Variants in SOX6 observed in about 807,000 individuals in gnomAD.
The protein encoded by SOX6 is transcription factor SOX-6.
Under a neutral mutation model 97.8 loss-of-function variants are expected in SOX6, and 11 were observed. The observed-to-expected ratio is 0.11, with a 90% CI of 0.07 to 0.19. The LOEUF (loss-of-function observed/expected upper bound fraction) is 0.19, where lower values mean the gene tolerates loss of function less well. Ranked by LOEUF, SOX6 falls within the 10% of genes least tolerant of loss-of-function variation. The pLI is 1.00. For synonymous variants in SOX6, 360 were observed against 371.4 expected (o/e 0.97, Z 0.35); for missense variants, 810 against 1,039.5 (o/e 0.78, Z 3.04).
chr11:16,685,480 T>G (rs546156622), intron 3 of SOX6, among the ~76,000 whole-genome samples: 2 of 152,212 alleles, frequency 1.3e-5, no homozygotes, highest in Non-Finnish European at 2.9e-5. Flanking sequence ...CATGAAAGTT[T>G]GAAAAAACCA....
chr11:16,049,101 A>G (rs1847616378), intron 11 of SOX6, among the ~76,000 whole-genome samples: 1 of 152,146 alleles, frequency 6.6e-6, no homozygotes, highest in South Asian at 2.1e-4. Flanking sequence ...CTGAACTTGA[A>G]AATATTAAAT....
At chr11:16,492,331 G>C (rs145195597) in intron 4 of SOX6, among the ~76,000 whole-genome samples, 2 of 152,180 alleles carry the variant, frequency 1.3e-5, no homozygotes, top group African/African-American at 4.8e-5. Flanking sequence ...CCATGCAAGC[G>C]CAGACTGGCC....
intron 1 of SOX6, among the ~76,000 whole-genome samples, chr11:16,389,618 C>T (rs1457959536): frequency 6.6e-6 from 1 of 151,808 alleles, no homozygotes; most frequent in Non-Finnish European, 1.5e-5. Flanking sequence ...GACATTGTGA[C>T]CACTATGCTG....
At chr11:16,489,365 A>T (rs994173877) in intron 4 of SOX6, among the ~76,000 whole-genome samples, 3 of 152,154 alleles carry the variant, frequency 2.0e-5, no homozygotes, top group Admixed American at 2.0e-4. Flanking sequence ...TATATCCTAC[A>T]TCCAAAAATA....
chr11:16,506,469 C>T (rs1294185150), intron 4 of SOX6, among the ~76,000 whole-genome samples: 1 of 152,140 alleles, frequency 6.6e-6, no homozygotes, highest in Non-Finnish European at 1.5e-5. Context: ...GTGGAAGGGA[C>T]TTGCCTTGTC....
At chr11:15,991,324 T>C (rs192624986) in intron 13 of SOX6, among the ~76,000 whole-genome samples, 12 of 152,328 alleles carry the variant, frequency 7.9e-5, no homozygotes, top group Admixed American at 7.8e-4. Context: ...TGAAATGTAG[T>C]GTAGCTTCCA....
intron 13 of SOX6, among the ~76,000 whole-genome samples, chr11:15,990,783 G>A (rs1854025991): frequency 6.6e-6 from 1 of 152,146 alleles, no homozygotes; most frequent in Non-Finnish European, 1.5e-5. Context: ...AAGTTTAGAA[G>A]CAAAATATAC....
chr11:16,717,599 T>C (rs1243833382), intron 2 of SOX6, among the ~76,000 whole-genome samples: 1 of 152,122 alleles, frequency 6.6e-6, no homozygotes, highest in Non-Finnish European at 1.5e-5. Flanking sequence ...TTTTGAAACT[T>C]ACTCTTCATG....
intron 6 of SOX6, among the ~76,000 whole-genome samples, chr11:16,173,194 A>G (rs1277184740): frequency 2.0e-5 from 3 of 151,898 alleles, no homozygotes; most frequent in African/African-American, 7.2e-5. Context: ...TGGCATCCAC[A>G]CAACTGCTTT....
chr11:16,456,238 T>A (rs1427179040), intron 1 of SOX6, among the ~76,000 whole-genome samples: 1 of 152,056 alleles, frequency 6.6e-6, no homozygotes, highest in African/African-American at 2.4e-5. Flanking sequence ...ATGGGTTTAG[T>A]CCGTTTTAGT....
chr11:16,651,318 C>CA (rs1564859358), intron 3 of SOX6, among the ~76,000 whole-genome samples: 1 of 151,568 alleles, frequency 6.6e-6, no homozygotes, highest in African/African-American at 2.4e-5. Flanking sequence ...AAAAACAAAA[C>CA]AAAAAAAGAA....
intron 6 of SOX6, among the ~76,000 whole-genome samples, chr11:16,124,908 G>A (rs1279148878): frequency 6.6e-6 from 1 of 151,988 alleles, no homozygotes; most frequent in African/African-American, 2.4e-5. Context: ...GGGATAATGG[G>A]ACCAGTTTAG....
chr11:16,452,801 A>C (rs1436641543), intron 1 of SOX6, among the ~76,000 whole-genome samples: 1 of 152,184 alleles, frequency 6.6e-6, no homozygotes, highest in East Asian at 1.9e-4. Context: ...AGGATCCCTG[A>C]AGAAAGGGAA....
chr11:16,683,563 G>A (rs1471324495), intron 3 of SOX6, among the ~76,000 whole-genome samples: 4 of 152,078 alleles, frequency 2.6e-5, no homozygotes, highest in South Asian at 2.1e-4. Context: ...TCCCTTCCTT[G>A]CACCTTATAC....
At position 16,644,068 on chromosome 11, in the gene SOX6, T is replaced by A. The variant is rs756116025; in HGVS notation, n.430-31808A>T. On this transcript the variant is annotated intron_variant and non_coding_transcript_variant, in intron 3 of 5. Transcript: ENST00000524520. ...TCTTGGAACCACCACTGACATAGGGTCTCATTCTGTCACCCAGGCTGGAGT... is the reference window on the plus strand; with the variant it reads ...TCTTGGAACCACCACTGACATAGGGACTCATTCTGTCACCCAGGCTGGAGT... Among the ~76,000 whole-genome samples the A allele has an allele frequency of 4.6e-5, 7 of 152,208 alleles. No homozygotes were observed. In the East Asian group the frequency reaches 1.2e-3, roughly 25 times the overall value.
At chr11:16,087,061 A>G (rs570150090) in intron 9 of SOX6, among the ~76,000 whole-genome samples, 1 of 152,186 alleles carries the variant, frequency 6.6e-6, no homozygotes, top group South Asian at 2.1e-4. Flanking sequence ...CATCTATTAC[A>G]GTCCTATTTT....
intron 3 of SOX6, among the ~76,000 whole-genome samples, chr11:16,627,356 G>A (rs1848636935): frequency 6.6e-6 from 1 of 152,232 alleles, no homozygotes; most frequent in South Asian, 2.1e-4. Context: ...GGATAGCTGG[G>A]TTGAATCATA....
chr11:16,268,784 C>T (rs1261372582), intron 3 of SOX6, among the ~76,000 whole-genome samples: 1 of 150,708 alleles, frequency 6.6e-6, no homozygotes, highest in Non-Finnish European at 1.5e-5. Flanking sequence ...TCCTTATTTC[C>T]CTCAAATTTT....
intron 9 of SOX6, among the ~76,000 whole-genome samples, chr11:16,062,855 G>A (rs2133931032): frequency 6.6e-6 from 1 of 151,720 alleles, no homozygotes; most frequent in East Asian, 1.9e-4. Context: ...TTGACACATA[G>A]AACTGAAAGG....
Sources: gnomAD v4.1 joint callset for allele counts (sites outside exome capture counted in the v4.1 genomes callset) on GRCh38, gnomAD v4.1.1 for gene constraint, MANE v1.5 for transcripts, NCBI Gene and HGNC (gene_info 2026-07-23, HGNC 2026-07-21) for gene names.